Variants in COL7A1 observed in about 807,000 individuals in gnomAD.
COL7A1 encodes the protein collagen type VII alpha 1 chain.
COL7A1 carries 296 observed loss-of-function variants against 456.2 expected under a neutral mutation model. That is an observed-to-expected ratio of 0.65 (90% confidence interval 0.59 to 0.71). The LOEUF (loss-of-function observed/expected upper bound fraction) is 0.71. COL7A1 is among the 30% of genes least tolerant of loss of function. COL7A1 has a pLI of 0.00. For missense variants in COL7A1, 3,441 were observed against 4,017.2 expected (o/e 0.86, Z 3.88); for synonymous variants, 1,464 against 1,525.9 (o/e 0.96, Z 0.95).
rs376192100 is a variant in COL7A1 at position 48,586,696 on chromosome 3, T to C, written c.3277-7A>G. The C allele has an allele frequency of 5.4e-5, 85 of 1,574,358 alleles. No individual in the cohort carries two copies. The African/African-American group carries it at 5.7e-4, about 11-fold the overall frequency. ...TGTAAGACAGCAGGCCAACCTGGGG[T>C]GGAAGGAAACACAGAGCCTGAGGAG... On this transcript the variant is annotated splice_region_variant and splice_polypyrimidine_tract_variant and intron_variant, in intron 25 of 118. Coordinates refer to ENST00000681320, the MANE Select transcript of COL7A1 (RefSeq NM_000094.4). The surrounding 1 kb of genome is among the most constrained non-coding windows in gnomAD (Gnocchi z 5.1).
rs997937705 is a variant in COL7A1, at chr3:48,593,352, T to A, written c.520+4A>T. 27 of 1,613,948 alleles carry A rather than the reference T, an allele frequency of 1.7e-5. No individual in the cohort carries two copies. Among genetic ancestry groups the A allele is most frequent in the Non-Finnish European group, 2.3e-5 (27 of 1,180,010 alleles). On this transcript the variant is annotated splice_donor_region_variant and intron_variant, in intron 5 of 118. Transcript: ENST00000681320. The surrounding 1 kb of genome is among the most constrained non-coding windows in gnomAD (Gnocchi z 4.4). ...CTGACCTGTCACTCCTGCTCGGTCC[T>A]TACCCACAGCAAATAGCTTGACCCC...
chr3:48,594,331 G>T lies in COL7A1; in HGVS notation c.266+37C>A, dbSNP rs758373712. ...TCTCTGGGGAAGGAGTCTTGGTGGG[G>T]ATCTCGTGGTCCCCAGCCCCCAGGG... is the stretch of plus-strand genomic sequence containing the variant. On this transcript the variant is annotated intron_variant, in intron 3 of 118. Transcript: ENST00000681320. The surrounding 1 kb of genome is among the most constrained non-coding windows in gnomAD (Gnocchi z 5.5). The T allele has an allele frequency of 6.2e-7, 1 of 1,602,728 alleles. No individual in the cohort carries two copies. Among genetic ancestry groups the T allele is most frequent in the Non-Finnish European group, 8.5e-7 (1 of 1,177,930 alleles).
rs748342347 is a variant in COL7A1 at position 48,570,731 on chromosome 3, G to C, written c.7273-21C>G. On this transcript the variant is annotated intron_variant, in intron 95 of 118. Transcript: ENST00000681320. The surrounding 1 kb of genome is among the most constrained non-coding windows in gnomAD (Gnocchi z 5.5). ...AGACCCTACCAGAAAAATGGGGCAA[G>C]AGAGGCAGAGAGTGACTTGGGAACC... 1 of 1,564,914 alleles carries C rather than the reference G, an allele frequency of 6.4e-7. No individual in the cohort carries two copies. The highest frequency in any genetic ancestry group is 1.2e-5 in the South Asian group (1 of 85,940).
chr3:48,578,570 C>T lies in COL7A1; in HGVS notation c.5425-55G>A, dbSNP rs1399741067. On this transcript the variant is annotated intron_variant, in intron 63 of 118. Coordinates refer to ENST00000681320, the MANE Select transcript of COL7A1 (RefSeq NM_000094.4). This position sits in a 1 kb window ranked among gnomAD's most constrained non-coding sequence, Gnocchi z 4.7. Reference sequence around the variant, plus strand: ...GGCCTCTGAGATATCCCTTGGGGCACACCCCATGGACTAAGAGGACCCCAA... The same window carrying T: ...GGCCTCTGAGATATCCCTTGGGGCATACCCCATGGACTAAGAGGACCCCAA... 2.5e-6 allele frequency: 4 copies of T among 1,581,664 alleles called. No individual in the cohort carries two copies. The African/African-American group carries it at 4.0e-5, about 16-fold the overall frequency.
intron 46 of COL7A1, 23 bp downstream of exon 46, chr3:48,582,455 G>A (rs2044833984): frequency 5.6e-6 from 9 of 1,614,142 alleles, no homozygotes; most frequent in Non-Finnish European, 6.8e-6. Context: ...ACCAGACAGT[G>A]CCACCCCCAG....
At position 48,583,357 on chromosome 3, in the gene COL7A1, C is replaced by T. The variant is rs1447013091; in HGVS notation, c.4437+36G>A. 6.2e-7 allele frequency: 1 copy of T among 1,613,926 alleles called. No individual in the cohort carries two copies. Among genetic ancestry groups the T allele is most frequent in the Non-Finnish European group, 8.5e-7 (1 of 1,179,834 alleles). ...TAACACCATGGGGAGCCCAGAGTAG[C>T]ACCCCTCACACCTGAATCCCCCAAC... On this transcript the variant is annotated intron_variant, in intron 42 of 118. Transcript: ENST00000681320. The surrounding 1 kb of genome is among the most constrained non-coding windows in gnomAD (Gnocchi z 5.1).
At position 48,579,843 on chromosome 3, in the gene COL7A1, T is replaced by C. The variant is rs774570681; in HGVS notation, c.5125-29A>G. 8.6e-5 allele frequency: 139 copies of C among 1,613,890 alleles called. No homozygotes were observed. Among genetic ancestry groups the C allele is most frequent in the Non-Finnish European group, 1.0e-4 (121 of 1,179,994 alleles). ...TGGGGGGAATGACCAGTGAGAAGAA[T>C]GGCTCAACAAGGGGAAGAGGAGTTG... On this transcript the variant is annotated intron_variant, in intron 57 of 118. Transcript: ENST00000681320. The surrounding 1 kb of genome is among the most constrained non-coding windows in gnomAD (Gnocchi z 4.4).
At position 48,575,001 on chromosome 3, in the gene COL7A1, A is replaced by G; in HGVS notation, c.6279+63T>C. On this transcript the variant is annotated intron_variant, in intron 76 of 118. Transcript: ENST00000681320. The surrounding 1 kb of genome is among the most constrained non-coding windows in gnomAD (Gnocchi z 6.3). ...GGCACACACTACCATATTTCTGGGG[A>G]CCAAGCTAAGGGTGGCTTCCTGGTC... The G allele has an allele frequency of 6.3e-7, 1 of 1,583,026 alleles. No homozygotes were observed. The highest frequency in any genetic ancestry group is 1.1e-5 in the South Asian group (1 of 90,302).
chr3:48,571,721 C>G lies in COL7A1; in HGVS notation c.7068+280G>C. 1 of 640,496 alleles carries G rather than the reference C, an allele frequency of 1.6e-6. No homozygotes were observed. Among genetic ancestry groups the G allele is most frequent in the Non-Finnish European group, 2.9e-6 (1 of 345,770 alleles). The allele number at this position is 640,496 out of a possible 1,614,324, so 39.7% of individuals were successfully genotyped here. ...GAGGTTCACAAGAACTCAGGTGTGTCCTGGGATCTGGGAGATCAGACCAGA... is the reference window on the plus strand; with the variant it reads ...GAGGTTCACAAGAACTCAGGTGTGTGCTGGGATCTGGGAGATCAGACCAGA... On this transcript the variant is annotated intron_variant, in intron 92 of 118. Transcript: ENST00000681320. The surrounding 1 kb of genome is among the most constrained non-coding windows in gnomAD (Gnocchi z 4.6).
chr3:48,583,330 C>T lies in COL7A1; in HGVS notation c.4437+63G>A, dbSNP rs560927859. On this transcript the variant is annotated intron_variant, in intron 42 of 118. Coordinates refer to ENST00000681320, the MANE Select transcript of COL7A1 (RefSeq NM_000094.4). The surrounding 1 kb of genome is among the most constrained non-coding windows in gnomAD (Gnocchi z 5.1). Reference sequence around the variant, plus strand: ...CTTATCTCCTTATCTTCCAGCCTCCCCTAACACCATGGGGAGCCCAGAGTA... The same window carrying T: ...CTTATCTCCTTATCTTCCAGCCTCCTCTAACACCATGGGGAGCCCAGAGTA... 2.5e-6 allele frequency: 4 copies of T among 1,612,798 alleles called. No individual in the cohort carries two copies. The highest frequency in any genetic ancestry group is 2.7e-5 in the African/African-American group (2 of 74,996).
At position 48,575,514 on chromosome 3, in the gene COL7A1, C is replaced by T. The variant is rs768326843; in HGVS notation, c.6005G>A (p.Arg2002His). 91 of 1,612,616 alleles carry T rather than the reference C, an allele frequency of 5.6e-5. No homozygotes were observed. Among genetic ancestry groups the T allele is most frequent in the Non-Finnish European group, 6.7e-5 (79 of 1,179,942 alleles). Residue 2002 changes from arginine to histidine, a missense_variant, in exon 74 of 119, where the codon CGC becomes CAC. Arg to His is a conservative substitution (Grantham distance 29). Coordinates refer to ENST00000681320, the MANE Select transcript of COL7A1 (RefSeq NM_000094.4). The surrounding 1 kb of genome is among the most constrained non-coding windows in gnomAD (Gnocchi z 6.3). Reference sequence around the variant, plus strand: ...GTCTCCACGGTCGCCCTTCAGCCCGCGTTCTCCAGGAAAGCCGATGGGGCC... The same window carrying T: ...GTCTCCACGGTCGCCCTTCAGCCCGTGTTCTCCAGGAAAGCCGATGGGGCC... ...KEGPIGFPGE[R>H]GLKGDRGDPG...
intron 44 of COL7A1, 104 bp from the exon 45 acceptor site, chr3:48,582,757 T>C (rs1313355810): frequency 3.7e-6 from 5 of 1,334,364 alleles, no homozygotes; most frequent in South Asian, 2.4e-5. Context: ...TCAGGGAAGA[T>C]TGGGATTTAG....
rs143142534 is a variant in COL7A1, at chr3:48,588,732, C to T, written c.2497G>A (p.Gly833Ser). The T allele has an allele frequency of 8.7e-6, 14 of 1,613,770 alleles. No homozygotes were observed. Among genetic ancestry groups the T allele is most frequent in the Non-Finnish European group, 1.2e-5 (14 of 1,180,052 alleles). The change falls in exon 20 of 119, where the codon GGT becomes AGT. Residue 833 changes from glycine (G) to serine (S), a missense_variant. Gly to Ser is a moderately conservative substitution (Grantham distance 56). Transcript: ENST00000681320. This position sits in a 1 kb window ranked among gnomAD's most constrained non-coding sequence, Gnocchi z 4.6. ...GAGTAGCTGACTCCACCTTCGAGAC[C>T]CCGGATCTCTGCAGAGTCTGTGTTT... ...PGNTDSAEIRGLEGGVSYSVR... is the reference protein window; with the variant it reads ...PGNTDSAEIRSLEGGVSYSVR...
chr3:48,576,897 G>T lies in COL7A1; in HGVS notation c.5591C>A (p.Ala1864Asp). 6.2e-7 allele frequency: 1 copy of T among 1,614,050 alleles called. No individual in the cohort carries two copies. Among genetic ancestry groups the T allele is most frequent in the Non-Finnish European group, 8.5e-7 (1 of 1,180,028 alleles). ...TCCAATACTCACTTCTCTCCCAGAGGCGCCTGAATCTCCTTTCTCTCCCTA... is the reference window on the plus strand; with the variant it reads ...TCCAATACTCACTTCTCTCCCAGAGTCGCCTGAATCTCCTTTCTCTCCCTA... Reference protein sequence around the residue: ...GRKGEKGDSGASGREGRDGPK... With the variant: ...GRKGEKGDSGDSGREGRDGPK... Residue 1864 changes from alanine (A) to aspartate (D), a missense_variant, in exon 67 of 119, where the codon GCC becomes GAC. Transcript: ENST00000681320.
chr3:48,589,023 C>G (rs1368051243), intron 18 of COL7A1, 28 bp from the exon 19 acceptor site: 1 of 1,613,016 alleles, frequency 6.2e-7, no homozygotes, highest in Admixed American at 1.7e-5. Context: ...GTAAGGGGTC[C>G]TGGTAGAGAA....
rs751738877 is a variant in COL7A1, at chr3:48,571,324, C to T, written c.7069-46G>A. The stretch of plus-strand genomic sequence containing the variant: ...GCATTTGAGAGGGTAGGAACATGAG[C>T]ACAGAGTTCAGACACGGGCTGAAAA... On this transcript the variant is annotated intron_variant, in intron 92 of 118. Coordinates refer to ENST00000681320, the MANE Select transcript of COL7A1 (RefSeq NM_000094.4). This position sits in a 1 kb window ranked among gnomAD's most constrained non-coding sequence, Gnocchi z 4.6. The T allele has an allele frequency of 1.2e-6, 2 of 1,610,636 alleles. No homozygotes were observed. Among genetic ancestry groups the T allele is most frequent in the Middle Eastern group, 3.3e-4 (2 of 6,044 alleles).
At position 48,594,484 on chromosome 3, in the gene COL7A1, G is replaced by C; in HGVS notation, c.150C>G (p.Gly50=). ...VFLLDGSSSI[G]RSNFREVRSF... ...TGCGGACCTCGCGGAAATTGCTGCGGCCAATGGATGAGGAGCCATCCAGTA... is the reference window on the plus strand; with the variant it reads ...TGCGGACCTCGCGGAAATTGCTGCGCCCAATGGATGAGGAGCCATCCAGTA... Residue 50 remains glycine (G), a synonymous_variant, in exon 3 of 119, where the codon GGC becomes GGG. Transcript: ENST00000681320. This position sits in a 1 kb window ranked among gnomAD's most constrained non-coding sequence, Gnocchi z 5.5. 6.2e-7 allele frequency: 1 copy of C among 1,612,314 alleles called. No individual in the cohort carries two copies. The highest frequency in any genetic ancestry group is 1.1e-5 in the South Asian group (1 of 91,014).
chr3:48,575,819 C>G lies in COL7A1; in HGVS notation c.5856+48G>C. On this transcript the variant is annotated intron_variant, in intron 72 of 118. Transcript: ENST00000681320. This position sits in a 1 kb window ranked among gnomAD's most constrained non-coding sequence, Gnocchi z 6.3. ...CCCCTATGCCTGTGGGCACCACTAGCCCCAAGGGCCCCCACTTGTCCCTAC... is the reference window on the plus strand; with the variant it reads ...CCCCTATGCCTGTGGGCACCACTAGGCCCAAGGGCCCCCACTTGTCCCTAC... 6.2e-7 allele frequency: 1 copy of G among 1,614,092 alleles called. No homozygotes were observed.
rs1559424226 is a variant in COL7A1, at chr3:48,587,780, G to A, written c.2857+13C>T. On this transcript the variant is annotated intron_variant, in intron 22 of 118. Coordinates refer to ENST00000681320, the MANE Select transcript of COL7A1 (RefSeq NM_000094.4). This position sits in a 1 kb window ranked among gnomAD's most constrained non-coding sequence, Gnocchi z 6.1. Reference sequence around the variant, plus strand: ...CAGCAGGGGAGGAGCACGCCAAGGTGAGGCAGGCTTACCAGTGCGCGCAGT... The same window carrying A: ...CAGCAGGGGAGGAGCACGCCAAGGTAAGGCAGGCTTACCAGTGCGCGCAGT... 6.2e-7 allele frequency: 1 copy of A among 1,613,446 alleles called. No individual in the cohort carries two copies. Among genetic ancestry groups the A allele is most frequent in the Non-Finnish European group, 8.5e-7 (1 of 1,179,992 alleles).
Sources: allele counts gnomAD v4.1 joint callset, GRCh38; gene constraint gnomAD v4.1.1; non-coding constraint Gnocchi (gnomAD v3.1); transcripts MANE v1.5; gene names NCBI Gene and HGNC (gene_info 2026-07-23, HGNC 2026-07-21).